The following DCLK1 variants were observed in gnomAD, a reference collection of about 807,000 sequenced individuals.
DCLK1 encodes the protein serine/threonine-protein kinase DCLK1.
A neutral mutation model predicts 86.2 loss-of-function variants in DCLK1; 16 were observed. The observed-to-expected ratio is 0.19, with a 90% CI of 0.13 to 0.28. The LOEUF (loss-of-function observed/expected upper bound fraction) is 0.28. Among genes scored for constraint, DCLK1 ranks in the 10% least tolerant of loss-of-function variants. The pLI is 1.00. For synonymous variants in DCLK1, 369 were observed against 370.5 expected (o/e 1.00, Z 0.05); for missense variants, 590 against 940.2 (o/e 0.63, Z 4.87).
At chr13:35,889,559 T>G (rs544348057) in intron 4 of DCLK1, among the ~76,000 whole-genome samples, 1 of 152,322 alleles carries the variant, frequency 6.6e-6, no homozygotes, top group South Asian at 2.1e-4. Context: ...TTTGTTTTAA[T>G]TCTTTAAATG....
At chr13:36,125,010 C>G (rs1362092059) in intron 2 of DCLK1, among the ~76,000 whole-genome samples, 2 of 152,116 alleles carry the variant, frequency 1.3e-5, no homozygotes, top group African/African-American at 4.8e-5. Flanking sequence ...AGCCCAGAGT[C>G]GGTGACCTTC....
intron 15 of DCLK1, among the ~76,000 whole-genome samples, chr13:35,803,075 G>A (rs1869897211): frequency 6.6e-6 from 1 of 152,174 alleles, no homozygotes; most frequent in African/African-American, 2.4e-5. Context: ...CAAAGGGTGG[G>A]GTAGATGTAA....
chr13:36,067,644 A>G (rs1883809271), intron 3 of DCLK1, among the ~76,000 whole-genome samples: 1 of 152,192 alleles, frequency 6.6e-6, no homozygotes. Flanking sequence ...ATCATAATTC[A>G]GAAACTAAGG....
chr13:36,109,740 C>T (rs1328859071), intron 3 of DCLK1, among the ~76,000 whole-genome samples: 4 of 152,214 alleles, frequency 2.6e-5, no homozygotes, highest in African/African-American at 4.8e-5. Context: ...AAGGAATCTA[C>T]GGCTGAGCCA....
At chr13:35,922,357 G>A (rs1258752892) in intron 4 of DCLK1, among the ~76,000 whole-genome samples, 1 of 152,082 alleles carries the variant, frequency 6.6e-6, no homozygotes, top group Non-Finnish European at 1.5e-5. Context: ...TCCTTGGGGA[G>A]AAGGACCACA....
At chr13:36,098,676 T>C (rs904941959) in intron 3 of DCLK1, among the ~76,000 whole-genome samples, 2 of 152,236 alleles carry the variant, frequency 1.3e-5, no homozygotes, top group African/African-American at 4.8e-5. Flanking sequence ...GGTATGTGGG[T>C]GTAAACATCT....
intron 3 of DCLK1, among the ~76,000 whole-genome samples, chr13:36,085,627 T>G (rs1884564966): frequency 6.6e-6 from 1 of 152,188 alleles, no homozygotes; most frequent in Admixed American, 6.5e-5. Flanking sequence ...GCTTCTAAAT[T>G]ACCACACACT....
At chr13:35,849,799 G>A in intron 6 of DCLK1, 1 of 984,942 alleles carries the variant, frequency 1.0e-6, no homozygotes. Context: ...CACCATTTAA[G>A]TGAATTTTGC....
intron 3 of DCLK1, among the ~76,000 whole-genome samples, chr13:36,045,364 A>C (rs1326299604): frequency 2.3e-5 from 3 of 130,222 alleles, no homozygotes; most frequent in Non-Finnish European, 4.9e-5. Flanking sequence ...ATATATATAT[A>C]TATATATATA....
At chr13:36,008,102 A>T (rs1482684973) in intron 3 of DCLK1, among the ~76,000 whole-genome samples, 1 of 147,810 alleles carries the variant, frequency 6.8e-6, no homozygotes, top group Non-Finnish European at 1.5e-5. Flanking sequence ...TTAACTACTA[A>T]CAGGATGCTA....
chr13:35,943,718 CCCCAAGGAGTTCACTGTCCCT>C (rs537399417), intron 4 of DCLK1, among the ~76,000 whole-genome samples: 211 of 152,252 alleles, frequency 1.4e-3, no homozygotes, highest in African/African-American at 4.8e-3. Flanking sequence ...TCAGGCTCAT[CCCCAAGGAGTTCACTGTCCCT>C]CCCAAGCATG....
At chr13:36,024,875 A>G (rs903111683) in intron 3 of DCLK1, among the ~76,000 whole-genome samples, 2 of 152,232 alleles carry the variant, frequency 1.3e-5, no homozygotes, top group Non-Finnish European at 2.9e-5. Flanking sequence ...TGATACAGAC[A>G]TAAGGACAGA....
intron 5 of DCLK1, among the ~76,000 whole-genome samples, chr13:35,864,197 A>G (rs554818655): frequency 6.6e-6 from 1 of 152,304 alleles, no homozygotes; most frequent in Non-Finnish European, 1.5e-5. Flanking sequence ...TGAGGCACTC[A>G]TTGGGCCTCA....
intron 3 of DCLK1, among the ~76,000 whole-genome samples, chr13:36,060,797 T>C (rs577682376): frequency 8.5e-5 from 13 of 152,220 alleles, no homozygotes; most frequent in African/African-American, 3.1e-4. Context: ...AACTGTGCAG[T>C]TGTGGCCATA....
chr13:35,901,534 G>A (rs960245084), intron 4 of DCLK1, among the ~76,000 whole-genome samples: 1 of 145,098 alleles, frequency 6.9e-6, no homozygotes, highest in Non-Finnish European at 1.5e-5. Flanking sequence ...CTATGAGGAT[G>A]TGGAGGTGGG....
intron 4 of DCLK1, among the ~76,000 whole-genome samples, chr13:35,882,450 A>G (rs1872970802): frequency 6.6e-6 from 1 of 152,208 alleles, no homozygotes; most frequent in Admixed American, 6.5e-5. Flanking sequence ...TATGTATGAC[A>G]TCACTTTGAT....
At chr13:35,883,265 C>G (rs1288121089) in intron 4 of DCLK1, among the ~76,000 whole-genome samples, 4 of 152,250 alleles carry the variant, frequency 2.6e-5, no homozygotes, top group South Asian at 4.1e-4. Flanking sequence ...TGGGAGGTGA[C>G]TGGGTCATGG....
intron 4 of DCLK1, among the ~76,000 whole-genome samples, chr13:35,880,064 C>A (rs910501841): frequency 4.6e-5 from 7 of 152,214 alleles, no homozygotes; most frequent in Non-Finnish European, 8.8e-5. Flanking sequence ...CCGTCACCAA[C>A]CACCTGCTTG....
chr13:35,809,149 C>A, intron 12 of DCLK1, 54 bp from the exon 13 acceptor site: 1 of 1,449,242 alleles, frequency 6.9e-7, no homozygotes, highest in Non-Finnish European at 9.5e-7. Context: ...ACAAATTATG[C>A]AGCTTGGTAA....
Sources: allele counts gnomAD v4.1 joint callset (sites outside exome capture counted in the v4.1 genomes callset), GRCh38; gene constraint gnomAD v4.1.1; transcripts MANE v1.5; gene names NCBI Gene and HGNC (gene_info 2026-07-23, HGNC 2026-07-21).